The following CLASP1 variants were observed in gnomAD, a reference collection of about 807,000 sequenced individuals.
CLASP1 encodes CLIP-associating protein 1.
CLASP1 carries 38 observed loss-of-function variants against 192.3 expected under a neutral mutation model. The ratio of observed to expected loss-of-function variants is 0.20; its 90% CI spans 0.15 to 0.26. The LOEUF (loss-of-function observed/expected upper bound fraction) is 0.26, where lower values mean the gene tolerates loss of function less well. CLASP1 is among the 10% of genes least tolerant of loss of function. The pLI is 1.00. For synonymous variants in CLASP1, 691 were observed against 712.8 expected (o/e 0.97, Z 0.49); for missense variants, 1,433 against 1,932.5 (o/e 0.74, Z 4.85).
intron 10 of CLASP1, 75 bp from the exon 11 acceptor site, chr2:121,461,268 C>A: frequency 6.4e-6 from 5 of 782,466 alleles, no homozygotes; most frequent in South Asian, 3.5e-5. Context: ...TACATGAAGT[C>A]AAGAACATTA....
intron 35 of CLASP1, among the ~76,000 whole-genome samples, chr2:121,366,511 G>T (rs193140799): frequency 3.3e-5 from 5 of 152,228 alleles, no homozygotes; most frequent in Admixed American, 2.0e-4. Context: ...TTTGTGCCCC[G>T]ACTGGATCTG....
chr2:121,569,349 A>C (rs535405547), intron 2 of CLASP1, among the ~76,000 whole-genome samples: 1 of 152,368 alleles, frequency 6.6e-6, no homozygotes, highest in Admixed American at 6.5e-5. Flanking sequence ...AAGCCCTCTG[A>C]AGCACAATCT....
At chr2:121,354,971 C>T (rs2065131198) in intron 37 of CLASP1, among the ~76,000 whole-genome samples, 1 of 152,074 alleles carries the variant, frequency 6.6e-6, no homozygotes, top group Admixed American at 6.6e-5. Context: ...TCTCTCCTCC[C>T]CATCTCCTGC....
chr2:121,478,841 A>ACACACAC (rs1559368070), intron 8 of CLASP1, among the ~76,000 whole-genome samples: 3 of 44,162 alleles, frequency 6.8e-5, no homozygotes, highest in African/African-American at 1.3e-4. Flanking sequence ...CACACACCAC[A>ACACACAC]CACACACCAC....
chr2:121,627,321 A>G (rs986989418), intron 1 of CLASP1, among the ~76,000 whole-genome samples: 40 of 152,232 alleles, frequency 2.6e-4, no homozygotes, highest in African/African-American at 9.2e-4. Flanking sequence ...AAAAGTGGAA[A>G]GACACATGAA....
intron 38 of CLASP1, 118 bp from the exon 40 acceptor site, chr2:121,347,272 C>T (rs1311042653): frequency 1.4e-6 from 1 of 701,288 alleles, no homozygotes; most frequent in Non-Finnish European, 2.5e-6. Flanking sequence ...TTGTCAGTAA[C>T]AACCAGGATA....
intron 2 of CLASP1, among the ~76,000 whole-genome samples, chr2:121,544,924 A>G (rs199893662): frequency 4.6e-5 from 4 of 86,874 alleles, no homozygotes; most frequent in African/African-American, 1.7e-4. Flanking sequence ...TTTTTTTTTT[A>G]TTTTTGAGAC....
intron 2 of CLASP1, among the ~76,000 whole-genome samples, chr2:121,540,638 A>G (rs1230768877): frequency 6.6e-6 from 1 of 151,910 alleles, no homozygotes; most frequent in Non-Finnish European, 1.5e-5. Flanking sequence ...AATACAAAAA[A>G]TTAGCTCGGC....
rs566649915 is a variant in CLASP1 at position 121,345,173 on chromosome 2, G to A, written c.4530+1865C>T. ...AAATAATAACAATAAAAAACTTAAC[G>A]GCTGGATGAACTGGGCTACGAAAGC... On this transcript the variant is annotated intron_variant, in intron 39 of 39. Coordinates refer to ENST00000263710, the Ensembl canonical transcript of CLASP1. Among the ~76,000 whole-genome samples, 7 of 152,194 alleles carry A rather than the reference G, an allele frequency of 4.6e-5. No homozygotes were observed. The East Asian group carries it at 7.7e-4, about 17-fold the overall frequency.
intron 8 of CLASP1, among the ~76,000 whole-genome samples, chr2:121,474,965 G>A (rs2150013033): frequency 6.6e-6 from 1 of 152,284 alleles, no homozygotes; most frequent in African/African-American, 2.4e-5. Context: ...AGGCCTAATA[G>A]CCTAATAGAA....
At chr2:121,572,305 G>A (rs1422082241) in intron 2 of CLASP1, among the ~76,000 whole-genome samples, 2 of 152,150 alleles carry the variant, frequency 1.3e-5, no homozygotes, top group Non-Finnish European at 2.9e-5. Context: ...GCGGGCACCT[G>A]TAGTCCCAGC....
intron 4 of CLASP1, 24 bp downstream of exon 4, chr2:121,528,653 T>A (rs759824577): frequency 2.5e-6 from 4 of 1,608,366 alleles, no homozygotes; most frequent in Non-Finnish European, 2.6e-6. Flanking sequence ...CCAGCTGACC[T>A]CAAAACACAT....
Position 121,477,502 on chromosome 2 carries a change from A to G in CLASP1, c.713-7542T>C, listed in dbSNP as rs377751856. The stretch of plus-strand genomic sequence containing the variant: ...TATTTTAAAATTAAGTCATAGTTCC[A>G]CTATAAGCAATATAAGCTCCCCAAA... On this transcript the variant is annotated intron_variant, in intron 8 of 39. Coordinates refer to ENST00000263710, the Ensembl canonical transcript of CLASP1. Among the ~76,000 whole-genome samples the G allele has an allele frequency of 6.6e-5, 10 of 152,312 alleles. No homozygotes were observed. The East Asian group carries it at 1.9e-3, about 29-fold the overall frequency.
intron 19 of CLASP1, among the ~76,000 whole-genome samples, chr2:121,439,644 T>C (rs907581038): frequency 3.9e-5 from 6 of 152,114 alleles, no homozygotes; most frequent in Admixed American, 1.3e-4. Flanking sequence ...TTTGAGTTTA[T>C]TGCGGCATTA....
chr2:121,597,258 G>T (rs1164109276), intron 2 of CLASP1, among the ~76,000 whole-genome samples: 1 of 152,048 alleles, frequency 6.6e-6, no homozygotes, highest in Non-Finnish European at 1.5e-5. Flanking sequence ...ACCTCATATG[G>T]TAATTACAAT....
At chr2:121,441,833 C>T (rs1232396344) in intron 19 of CLASP1, among the ~76,000 whole-genome samples, 1 of 152,104 alleles carries the variant, frequency 6.6e-6, no homozygotes, top group Non-Finnish European at 1.5e-5. Flanking sequence ...CATACTTTTT[C>T]CACTGTGTAA....
chr2:121,392,890 C>A (rs149723164), intron 30 of CLASP1, among the ~76,000 whole-genome samples: 1 of 152,172 alleles, frequency 6.6e-6, no homozygotes, highest in African/African-American at 2.4e-5. Flanking sequence ...TTCACCTTGC[C>A]CAAACCAGTC....
intron 7 of CLASP1, among the ~76,000 whole-genome samples, chr2:121,503,612 C>T (rs556951908): frequency 3.7e-3 from 565 of 152,222 alleles, no homozygotes; most frequent in Non-Finnish European, 5.4e-3. Context: ...TCTTTCTTAG[C>T]GCAGACTATC....
chr2:121,636,039 A>G (rs1261248835), intron 1 of CLASP1, among the ~76,000 whole-genome samples: 3 of 152,082 alleles, frequency 2.0e-5, no homozygotes, highest in Non-Finnish European at 4.4e-5. Context: ...TTGTTTCTAA[A>G]AAAATAATAA....
Sources: allele counts gnomAD v4.1 joint callset (sites outside exome capture counted in the v4.1 genomes callset), GRCh38; gene constraint gnomAD v4.1.1; transcripts MANE v1.5; gene names NCBI Gene and HGNC (gene_info 2026-07-23, HGNC 2026-07-21).